Variants in FUT9 observed in about 807,000 individuals in gnomAD.
FUT9 encodes fucosyltransferase 9, also known as 4-galactosyl-N-acetylglucosaminide 3-alpha-L-fucosyltransferase 9.
A neutral mutation model predicts 29.7 loss-of-function variants in FUT9; 15 were observed. That is an observed-to-expected ratio of 0.51 (90% CI 0.34 to 0.78). The LOEUF is 0.78. Ranked by LOEUF, FUT9 falls within the 30% of genes least tolerant of loss-of-function variation. FUT9 has a pLI of 0.01. For synonymous variants in FUT9, 169 were observed against 153.7 expected (o/e 1.10, Z -0.74); for missense variants, 319 against 425.4 (o/e 0.75, Z 2.20).
rs182053336 is a variant in FUT9 at position 96,118,710 on chromosome 6, G to A, written c.-9+4583G>A. 7.2e-4 allele frequency among the ~76,000 whole-genome samples: 110 copies of A among 152,208 alleles called. 1 individual carries two copies. The highest frequency in any genetic ancestry group is 1.2e-3 in the Non-Finnish European group (83 of 68,000). On this transcript the variant is annotated intron_variant, in intron 2 of 2. Transcript: ENST00000302103. ...TTTCAGGAGGTATTCCAGAAGAAGG[G>A]ATTGTTATCATAGGAGATGACAGGT...
At chr6:96,151,439 T>G (rs924987691) in intron 2 of FUT9, among the ~76,000 whole-genome samples, 1 of 152,142 alleles carries the variant, frequency 6.6e-6, no homozygotes, top group Non-Finnish European at 1.5e-5. Context: ...TAAAGTGAAA[T>G]GAAATTGTTT....
In FUT9 at chr6:96,066,420, C is replaced by G. The variant is rs545131814; in HGVS notation, c.-97-47619C>G. Among the ~76,000 whole-genome samples, 34 of 152,006 alleles carry G rather than the reference C, an allele frequency of 2.2e-4. No individual in the cohort carries two copies. The South Asian group carries it at 5.8e-3, about 26-fold the overall frequency. On this transcript the variant is annotated intron_variant, in intron 1 of 2. Transcript: ENST00000302103. ...ATGATTCTAACAAGTATACTGATTG[C>G]TCTACACATTGTCCTCTGTGACAGA... is the stretch of plus-strand genomic sequence containing the variant.
chr6:96,099,404 C>G (rs1434568828), intron 1 of FUT9, among the ~76,000 whole-genome samples: 1 of 152,096 alleles, frequency 6.6e-6, no homozygotes. Context: ...TAAAACTGTA[C>G]ATGCTATTAT....
chr6:96,062,493 G>A (rs1770893623), intron 1 of FUT9, among the ~76,000 whole-genome samples: 1 of 152,000 alleles, frequency 6.6e-6, no homozygotes, highest in Non-Finnish European at 1.5e-5. Flanking sequence ...GAACAGAGAA[G>A]GGAACTTTGC....
At chr6:96,195,783 T>A (rs1773613555) in intron 2 of FUT9, among the ~76,000 whole-genome samples, 1 of 152,102 alleles carries the variant, frequency 6.6e-6, no homozygotes, top group African/African-American at 2.4e-5. Context: ...ACTAAAAAGA[T>A]AAGCCACCCA....
At chr6:96,047,591 G>A (rs1259908736) in intron 1 of FUT9, among the ~76,000 whole-genome samples, 1 of 152,090 alleles carries the variant, frequency 6.6e-6, no homozygotes, top group Admixed American at 6.5e-5. Flanking sequence ...TGTGATTTTA[G>A]TTTCAGAAAG....
intron 1 of FUT9, among the ~76,000 whole-genome samples, chr6:96,059,044 G>A (rs1770827570): frequency 6.6e-6 from 1 of 152,116 alleles, no homozygotes; most frequent in Admixed American, 6.6e-5. Context: ...TAAAATATTA[G>A]TTTTTAATAT....
intron 2 of FUT9, among the ~76,000 whole-genome samples, chr6:96,156,100 C>T (rs551499940): frequency 2.6e-5 from 4 of 152,146 alleles, no homozygotes; most frequent in Non-Finnish European, 4.4e-5. Flanking sequence ...TTCTGGTACT[C>T]GGTGAGGTTG....
chr6:96,077,875 T>C (rs1771165274), intron 1 of FUT9, among the ~76,000 whole-genome samples: 1 of 152,200 alleles, frequency 6.6e-6, no homozygotes, highest in African/African-American at 2.4e-5. Flanking sequence ...TGTTCCTTTT[T>C]ATGTGATCTG....
chr6:96,202,695 G>A (rs929378249), intron 2 of FUT9, among the ~76,000 whole-genome samples: 2 of 152,026 alleles, frequency 1.3e-5, no homozygotes, highest in African/African-American at 4.8e-5. Flanking sequence ...GTTTTCTAAC[G>A]AATTCCATCT....
intron 2 of FUT9, among the ~76,000 whole-genome samples, chr6:96,193,514 C>T (rs1458959848): frequency 2.0e-5 from 3 of 151,562 alleles, no homozygotes; most frequent in Non-Finnish European, 4.4e-5. Flanking sequence ...TACCATCTCA[C>T]ACCAGTTAGA....
rs1269558260 is a variant in FUT9, at chr6:96,180,882, G to T, written c.-8-22266G>T. Among the ~76,000 whole-genome samples, 3 of 150,774 alleles carry T rather than the reference G, an allele frequency of 2.0e-5. No homozygotes were observed. In the Admixed American group the frequency reaches 2.0e-4, roughly 10 times the overall value. On this transcript the variant is annotated intron_variant, in intron 2 of 2. Coordinates refer to ENST00000302103, the MANE Select transcript of FUT9 (RefSeq NM_006581.4). ...TATCTTGGTTATTGTAAATAAAAATGAAATTTTTCTTGATGACTTAAGCAA... is the reference window on the plus strand; with the variant it reads ...TATCTTGGTTATTGTAAATAAAAATTAAATTTTTCTTGATGACTTAAGCAA...
intron 2 of FUT9, among the ~76,000 whole-genome samples, chr6:96,165,923 T>C (rs1467040720): frequency 2.0e-5 from 3 of 152,112 alleles, no homozygotes; most frequent in Non-Finnish European, 2.9e-5. Context: ...GCCTTGTTTT[T>C]ATATTATTCT....
At position 96,205,662 on chromosome 6, in the gene FUT9, C is replaced by A. The variant is rs1193894904; in HGVS notation, c.*1427C>A. The A allele has an allele frequency of 6.0e-6, 1 of 166,444 alleles. No homozygotes were observed. The highest frequency in any genetic ancestry group is 1.5e-5 in the Non-Finnish European group (1 of 68,096). 10.3% of individuals were successfully genotyped at this position (166,444 alleles called of 1,614,324 possible). On this transcript the variant is annotated 3_prime_UTR_variant, in exon 3 of 3. Coordinates refer to ENST00000302103, the MANE Select transcript of FUT9 (RefSeq NM_006581.4). ...GAAAAAAGATGGGCCATTAAGGATT[C>A]TTCAAGGAAAACATTCCTCAAAATG...
intron 2 of FUT9, among the ~76,000 whole-genome samples, chr6:96,187,794 A>G (rs1316131886): frequency 6.6e-6 from 1 of 152,124 alleles, no homozygotes; most frequent in East Asian, 1.9e-4. Flanking sequence ...GTTTACTTAC[A>G]TTCTTTCTTA....
intron 2 of FUT9, among the ~76,000 whole-genome samples, chr6:96,193,548 A>G (rs954035505): frequency 1.3e-5 from 2 of 151,768 alleles, no homozygotes; most frequent in African/African-American, 4.8e-5. Context: ...AAAAATCAGG[A>G]AACAACAAGT....
chr6:96,161,627 A>G (rs1333170625), intron 2 of FUT9, among the ~76,000 whole-genome samples: 3 of 152,322 alleles, frequency 2.0e-5, no homozygotes, highest in African/African-American at 4.8e-5. Context: ...GTGAATATCT[A>G]CAGACCACAC....
intron 1 of FUT9, among the ~76,000 whole-genome samples, chr6:96,053,781 G>A (rs148300688): frequency 1.3e-5 from 2 of 152,202 alleles, no homozygotes; most frequent in African/African-American, 4.8e-5. Context: ...AAAATATCAT[G>A]TGTTATATGT....
intron 1 of FUT9, among the ~76,000 whole-genome samples, chr6:96,030,920 G>A (rs1430333792): frequency 3.3e-5 from 5 of 151,634 alleles, no homozygotes; most frequent in Admixed American, 1.3e-4. Flanking sequence ...TGGTTTCGAA[G>A]GGTTAGGGTG....
Sources: allele counts gnomAD v4.1 joint callset (sites outside exome capture counted in the v4.1 genomes callset), GRCh38; gene constraint gnomAD v4.1.1; transcripts MANE v1.5; gene names NCBI Gene and HGNC (gene_info 2026-07-23, HGNC 2026-07-21).